Variants in ATPAF1 observed in about 807,000 individuals in gnomAD.
The protein encoded by ATPAF1 is homolog of yeast ATP11.
In ATPAF1, 26 loss-of-function variants were observed where a neutral mutation model predicts 43.9. The ratio of observed to expected loss-of-function variants is 0.59; its 90% CI spans 0.43 to 0.82. The LOEUF (loss-of-function observed/expected upper bound fraction) is 0.82. ATPAF1 is among the 40% of genes least tolerant of loss of function. The pLI, the probability that ATPAF1 is intolerant of heterozygous loss-of-function variation, is 0.00. For synonymous variants in ATPAF1, 157 were observed against 168.0 expected, an observed-to-expected ratio of 0.93 and a Z score of 0.50; for missense variants, 366 against 435.0, an observed-to-expected ratio of 0.84 and a Z score of 1.41.
At chr1:46,640,822 A>C (rs966493419) in intron 8 of ATPAF1, among the ~76,000 whole-genome samples, 1 of 152,202 alleles carries the variant, frequency 6.6e-6, no homozygotes, top group African/African-American at 2.4e-5. Flanking sequence ...TCAAATGTCC[A>C]ACATTTTTCC....
In ATPAF1 at chr1:46,635,867, T is replaced by C. The variant is rs757303284; in HGVS notation, c.896A>G (p.Asn299Ser). The change falls in exon 9 of 9, where the codon AAT becomes AGT. Residue 299 changes from asparagine to serine, a missense_variant. Asn to Ser is a conservative substitution (Grantham distance 46, BLOSUM62 1). Transcript: ENST00000574428. ...GATGACAGACATATATTTGAACTCA[T>C]TTGGTCTGAGGTTAAAGGTCTCCAC... The C allele has an allele frequency of 3.7e-6, 6 of 1,614,124 alleles. No individual in the cohort carries two copies. In the Admixed American group the frequency reaches 8.3e-5, roughly 22 times the overall value.
intron 4 of ATPAF1, among the ~76,000 whole-genome samples, chr1:46,655,858 C>T (rs1676262031): frequency 1.3e-5 from 2 of 152,102 alleles, no homozygotes; most frequent in South Asian, 4.1e-4. Context: ...TATTTCCTCC[C>T]CCTTGCTTTC....
rs1675838848 is a variant in ATPAF1 at position 46,636,240 on chromosome 1, AT to A, written c.793-271del. ...TCCCTAGTACAAATTCCTCAAAGAC[AT>A]AGACCGTGGTTTGTTTTATATCTCT... On this transcript the variant is annotated intron_variant, in intron 8 of 8. Coordinates refer to ENST00000574428, the Ensembl canonical transcript of ATPAF1. The A allele has an allele frequency of 1.2e-5, 6 of 511,762 alleles. No individual in the cohort carries two copies. In the Admixed American group the frequency reaches 1.9e-4, roughly 16 times the overall value. The allele number at this position is 511,762 out of a possible 1,614,324, so 31.7% of individuals were successfully genotyped here.
chr1:46,642,741 T>A (rs908188887), intron 8 of ATPAF1, among the ~76,000 whole-genome samples: 3 of 152,198 alleles, frequency 2.0e-5, no homozygotes, highest in Admixed American at 1.3e-4. Flanking sequence ...TGTCTTAGAT[T>A]CAGAATTATT....
chr1:46,656,186 T>C (rs968096679), intron 4 of ATPAF1, among the ~76,000 whole-genome samples: 7 of 152,098 alleles, frequency 4.6e-5, no homozygotes, highest in African/African-American at 1.7e-4. Flanking sequence ...GCTGGGAAGA[T>C]AACAGGTAGG....
intron 8 of ATPAF1, 143 bp downstream of exon 8, chr1:46,643,051 C>G (rs994672362): frequency 1.5e-6 from 1 of 673,936 alleles, no homozygotes; most frequent in Non-Finnish European, 2.5e-6. Flanking sequence ...TTGAGCAAGA[C>G]AACTTCACTG....
Position 46,653,838 on chromosome 1 carries a change from A to G in ATPAF1, c.519T>C (p.Asp173=), listed in dbSNP as rs1433642061. The change falls in exon 5 of 9, where the codon GAT becomes GAC. Residue 173 remains aspartate (D), a synonymous_variant. Transcript: ENST00000574428. This position sits in a 1 kb window ranked among gnomAD's most constrained non-coding sequence, Gnocchi z 4.8. Reference sequence around the variant, plus strand: ...TTACAGGAATAACTGCGTAGACTGTATCTTTTGCTGCAAAATATTGCTGCC... The same window carrying G: ...TTACAGGAATAACTGCGTAGACTGTGTCTTTTGCTGCAAAATATTGCTGCC... 2.4e-5 allele frequency: 38 copies of G among 1,611,148 alleles called. No individual in the cohort carries two copies. Among genetic ancestry groups the G allele is most frequent in the Non-Finnish European group, 3.2e-5 (38 of 1,178,832 alleles).
At chr1:46,637,766 A>C (rs1675869349) in intron 8 of ATPAF1, among the ~76,000 whole-genome samples, 1 of 152,190 alleles carries the variant, frequency 6.6e-6, no homozygotes, top group African/African-American at 2.4e-5. Flanking sequence ...TGGCTACTTC[A>C]AATTAATAGA....
downstream of ATPAF1, chr1:46,633,169 C>T (rs1415733320): frequency 1.3e-5 from 2 of 153,640 alleles, no homozygotes; most frequent in Admixed American, 6.5e-5. Context: ...GCCTGAGAAT[C>T]TGCATTTTAA....
intron 2 of ATPAF1, 122 bp downstream of exon 2, chr1:46,665,134 G>C: frequency 1.2e-6 from 1 of 850,690 alleles, no homozygotes. Flanking sequence ...ATGGAGTTGG[G>C]AGAGACTATG....
rs1019517243 is a variant in ATPAF1 at position 46,668,003 on chromosome 1, CG to C, written c.266+53del. Reference sequence around the variant, plus strand: ...AGGGCTGTCCTAAGGCCCAGCAGCCCGGGCCGCCCCTCCTCCCGCCTCCTGC... The same window carrying C: ...AGGGCTGTCCTAAGGCCCAGCAGCCCGGCCGCCCCTCCTCCCGCCTCCTGC... On this transcript the variant is annotated intron_variant, in intron 1 of 8. Coordinates refer to ENST00000574428, the Ensembl canonical transcript of ATPAF1. This position sits in a 1 kb window ranked among gnomAD's most constrained non-coding sequence, Gnocchi z 4.4. The C allele has an allele frequency of 7.7e-6, 10 of 1,304,336 alleles. No individual in the cohort carries two copies. The African/African-American group carries it at 9.3e-5, about 12-fold the overall frequency. The allele number at this position is 1,304,336 out of a possible 1,614,324, so 80.8% of individuals were successfully genotyped here.
At chr1:46,664,006 T>A in intron 2 of ATPAF1, 1 of 812,974 alleles carries the variant, frequency 1.2e-6, no homozygotes, top group Non-Finnish European at 1.7e-6. Context: ...TGAAAGAGAA[T>A]AAAAAGTAAT....
chr1:46,635,442 T>A, exon 9 of ATPAF1: 1 of 241,512 alleles, frequency 4.1e-6, no homozygotes, highest in Non-Finnish European at 8.1e-6. Context: ...TTGGGAGCTA[T>A]AAGGTCAAAG....
chr1:46,666,713 AC>A (rs1197283753), intron 1 of ATPAF1, among the ~76,000 whole-genome samples: 26 of 152,224 alleles, frequency 1.7e-4, no homozygotes, highest in Non-Finnish European at 3.2e-4. Flanking sequence ...AACAGATAAA[AC>A]TAGAGAGAGA....
chr1:46,657,933 A>G (rs561550353), intron 4 of ATPAF1, among the ~76,000 whole-genome samples, 194 bp downstream of exon 4: 68 of 152,336 alleles, frequency 4.5e-4, no homozygotes, highest in Non-Finnish European at 8.2e-4. Flanking sequence ...TAGACATACA[A>G]GTTGATTAGA....
intron 4 of ATPAF1, among the ~76,000 whole-genome samples, chr1:46,654,650 CA>C (rs1162931993): frequency 6.6e-6 from 1 of 151,646 alleles, no homozygotes. Flanking sequence ...ATCAACTTGT[CA>C]TTTACTTTAA....
chr1:46,639,435 C>T (rs893397633), intron 8 of ATPAF1, among the ~76,000 whole-genome samples: 1 of 152,178 alleles, frequency 6.6e-6, no homozygotes, highest in African/African-American at 2.4e-5. Context: ...GATATCACCC[C>T]ACTCTCTATC....
At chr1:46,650,571 C>T (rs1439868022) in intron 6 of ATPAF1, among the ~76,000 whole-genome samples, 7 of 151,974 alleles carry the variant, frequency 4.6e-5, no homozygotes, top group Non-Finnish European at 7.4e-5. Flanking sequence ...TATCTGCACT[C>T]CCATGTTTGC....
intron 6 of ATPAF1, among the ~76,000 whole-genome samples, chr1:46,649,249 T>G (rs1279381832): frequency 6.6e-6 from 1 of 152,194 alleles, no homozygotes; most frequent in Non-Finnish European, 1.5e-5. Context: ...TTCCTTTTTT[T>G]TGTGCATGAT....
Sources: allele counts gnomAD v4.1 joint callset (sites outside exome capture counted in the v4.1 genomes callset), GRCh38; gene constraint gnomAD v4.1.1; non-coding constraint Gnocchi (gnomAD v3.1); transcripts MANE v1.5; gene names NCBI Gene and HGNC (gene_info 2026-07-23, HGNC 2026-07-21).